Variants in ANKFN1 observed in about 807,000 individuals in gnomAD.
ANKFN1 encodes the protein ankyrin repeat and fibronectin type III domain containing 1, also known as ankyrin repeat and fibronectin type-III domain-containing protein 1.
ANKFN1 carries 74 observed loss-of-function variants against 108.7 expected under a neutral mutation model. That is an observed-to-expected ratio of 0.68 (90% CI 0.56 to 0.83). ANKFN1 has a LOEUF of 0.83. ANKFN1 is among the 40% of genes least tolerant of loss of function. ANKFN1 has a pLI of 0.00. For synonymous variants in ANKFN1, 547 were observed against 516.2 expected (o/e 1.06, Z -0.81); for missense variants, 1,505 against 1,382.3 (o/e 1.09, Z -1.41).
chr17:56,370,887 C>T (rs1488518544), intron 6 of ANKFN1, among the ~76,000 whole-genome samples: 1 of 151,936 alleles, frequency 6.6e-6, no homozygotes, highest in Admixed American at 6.6e-5. Context: ...GGAAATTGCA[C>T]CTTGAGGCTA....
intron 2 of ANKFN1, among the ~76,000 whole-genome samples, chr17:56,215,212 G>C (rs1915335599): frequency 6.6e-6 from 1 of 152,204 alleles, no homozygotes; most frequent in African/African-American, 2.4e-5. Flanking sequence ...TGGAGCAGCA[G>C]AGCACCGTGC....
chr17:56,247,478 T>A (rs950713477), intron 3 of ANKFN1, among the ~76,000 whole-genome samples: 3 of 151,916 alleles, frequency 2.0e-5, no homozygotes, highest in Middle Eastern at 3.2e-3. Flanking sequence ...TACTTCAGAG[T>A]GATGCAAGTA....
At chr17:56,300,415 C>A (rs1036423540) in intron 3 of ANKFN1, among the ~76,000 whole-genome samples, 7 of 152,054 alleles carry the variant, frequency 4.6e-5, no homozygotes, top group Non-Finnish European at 1.0e-4. Flanking sequence ...TTCTTTCCCC[C>A]CTTAATTTTT....
intron 4 of ANKFN1, among the ~76,000 whole-genome samples, chr17:56,143,428 GC>G (rs1237073805): frequency 6.6e-6 from 1 of 152,032 alleles, no homozygotes; most frequent in Non-Finnish European, 1.5e-5. Context: ...CCCCTTATGA[GC>G]CACCTCCTCT....
intron 3 of ANKFN1, among the ~76,000 whole-genome samples, chr17:56,276,392 G>A (rs1211987098): frequency 1.3e-5 from 2 of 152,132 alleles, no homozygotes; most frequent in Admixed American, 6.5e-5. Context: ...GGGTCAAATG[G>A]TATTTCTAGT....
chr17:56,224,939 A>C (rs1002630788), intron 2 of ANKFN1: 3 of 152,294 alleles, frequency 2.0e-5, no homozygotes, highest in Non-Finnish European at 4.4e-5. Flanking sequence ...CTGGCCATGC[A>C]GATCTTCTGA....
At chr17:56,258,671 G>A (rs2043420947) in intron 3 of ANKFN1, among the ~76,000 whole-genome samples, 1 of 152,198 alleles carries the variant, frequency 6.6e-6, no homozygotes, top group Admixed American at 6.5e-5. Flanking sequence ...AGCACTTTGG[G>A]AGGCCGAGGC....
At chr17:56,460,704 T>C (rs2049875691) in intron 14 of ANKFN1, among the ~76,000 whole-genome samples, 1 of 152,074 alleles carries the variant, frequency 6.6e-6, no homozygotes, top group Non-Finnish European at 1.5e-5. Context: ...TACCATAAGT[T>C]CATTCCTCCA....
chr17:56,505,572 T>C (rs532515879), intron 20 of ANKFN1, among the ~76,000 whole-genome samples: 20 of 152,350 alleles, frequency 1.3e-4, no homozygotes, highest in Non-Finnish European at 2.8e-4. Context: ...CAGAGATGAG[T>C]AAGACATACA....
At chr17:56,366,866 A>G (rs2046676777) in intron 6 of ANKFN1, among the ~76,000 whole-genome samples, 1 of 152,216 alleles carries the variant, frequency 6.6e-6, no homozygotes, top group Non-Finnish European at 1.5e-5. Flanking sequence ...GTGACACATG[A>G]CTGTAATTGG....
In ANKFN1 at chr17:56,516,203, G is replaced by A. The variant is rs542888490; in HGVS notation, c.*4934G>A. On this transcript the variant is annotated 3_prime_UTR_variant, in exon 21 of 21. Coordinates refer to ENST00000682825, the MANE Select transcript of ANKFN1 (RefSeq NM_001370326.1). Reference sequence around the variant, plus strand: ...GCCTTGTGAAAATCAGATGTTTGGGGGTATCCATGTATGTGACCACAAGCA... The same window carrying A: ...GCCTTGTGAAAATCAGATGTTTGGGAGTATCCATGTATGTGACCACAAGCA... Among the ~76,000 whole-genome samples, 5 of 151,906 alleles carry A rather than the reference G, an allele frequency of 3.3e-5. No individual in the cohort carries two copies. Among genetic ancestry groups the A allele is most frequent in the South Asian group, 2.1e-4 (1 of 4,792 alleles).
chr17:56,162,449 G>T (rs899895426), intron 1 of ANKFN1, among the ~76,000 whole-genome samples: 2 of 152,116 alleles, frequency 1.3e-5, no homozygotes, highest in Non-Finnish European at 2.9e-5. Context: ...TCCTGTCGTT[G>T]GGTCTTCGTG....
chr17:56,091,067 T>C (rs1272576670), intron 4 of ANKFN1, among the ~76,000 whole-genome samples: 2 of 151,150 alleles, frequency 1.3e-5, no homozygotes, highest in Non-Finnish European at 3.0e-5. Flanking sequence ...TTTATTCTTG[T>C]TTTCCTCCCA....
intron 3 of ANKFN1, among the ~76,000 whole-genome samples, chr17:56,324,330 A>T (rs934175954): frequency 6.6e-6 from 1 of 152,228 alleles, no homozygotes; most frequent in Non-Finnish European, 1.5e-5. Flanking sequence ...TCTATTGAAG[A>T]GTAGACTAAT....
At chr17:56,435,145 G>T (rs146518332) in intron 8 of ANKFN1, among the ~76,000 whole-genome samples, 1 of 151,998 alleles carries the variant, frequency 6.6e-6, no homozygotes, top group East Asian at 1.9e-4. Flanking sequence ...TTTTCCCTCC[G>T]TTCTGACACA....
At chr17:56,467,131 C>T (rs891122538) in intron 15 of ANKFN1, among the ~76,000 whole-genome samples, 1 of 151,784 alleles carries the variant, frequency 6.6e-6, no homozygotes, top group Non-Finnish European at 1.5e-5. Flanking sequence ...GAAAAGAAAA[C>T]AAACATTGAG....
chr17:56,498,340 C>T (rs1030547474), intron 19 of ANKFN1, among the ~76,000 whole-genome samples: 5 of 152,118 alleles, frequency 3.3e-5, no homozygotes, highest in African/African-American at 1.2e-4. Context: ...AGAACTAGGA[C>T]TACATTTCTT....
At chr17:56,246,657 C>T (rs1169458468) in intron 3 of ANKFN1, among the ~76,000 whole-genome samples, 1 of 151,770 alleles carries the variant, frequency 6.6e-6, no homozygotes, top group East Asian at 1.9e-4. Flanking sequence ...CCAATCAGAA[C>T]TTTGATTTGG....
intron 11 of ANKFN1, among the ~76,000 whole-genome samples, chr17:56,454,322 C>G (rs1228593940): frequency 6.6e-6 from 1 of 152,122 alleles, no homozygotes; most frequent in Admixed American, 6.5e-5. Context: ...TTTATAGACT[C>G]TTACTCTCTT....
Sources: allele counts gnomAD v4.1 joint callset (sites outside exome capture counted in the v4.1 genomes callset), GRCh38; gene constraint gnomAD v4.1.1; transcripts MANE v1.5; gene names NCBI Gene and HGNC (gene_info 2026-07-23, HGNC 2026-07-21).